CADM1: variants seen among roughly 807,000 people sequenced by gnomAD.
CADM1 encodes cell adhesion molecule 1.
CADM1 carries 15 observed loss-of-function variants against 53.1 expected under a neutral mutation model. That is an observed-to-expected ratio of 0.28 (90% CI 0.19 to 0.44). CADM1 has a LOEUF of 0.44. Ranked by LOEUF, CADM1 falls within the 20% of genes least tolerant of loss-of-function variation. CADM1 has a pLI of 1.00. For missense variants in CADM1, 434 were observed against 611.3 expected (o/e 0.71, Z 3.06); for synonymous variants, 281 against 243.0 (o/e 1.16, Z -1.45).
chr11:115,347,343 G>C (rs1208490974), intron 1 of CADM1, among the ~76,000 whole-genome samples: 1 of 152,126 alleles, frequency 6.6e-6, no homozygotes, highest in Non-Finnish European at 1.5e-5. Flanking sequence ...ATAAAGCTGA[G>C]AGCAGGTGTG....
intron 1 of CADM1, among the ~76,000 whole-genome samples, chr11:115,462,155 G>A (rs533699869): frequency 6.6e-6 from 1 of 152,254 alleles, no homozygotes; most frequent in South Asian, 2.1e-4. Flanking sequence ...AATACTGTGG[G>A]GCGGGCAAAG....
intron 1 of CADM1, among the ~76,000 whole-genome samples, chr11:115,269,750 C>T (rs764852079): frequency 2.6e-5 from 4 of 152,184 alleles, no homozygotes; most frequent in Non-Finnish European, 5.9e-5. Flanking sequence ...TGACTTAAAG[C>T]ATCTGTCACT....
chr11:115,203,692 TA>T (rs1940545417), intron 8 of CADM1, among the ~76,000 whole-genome samples: 1 of 152,158 alleles, frequency 6.6e-6, no homozygotes. Context: ...ATAGAGGCAT[TA>T]AAAACTTTTC....
At chr11:115,467,047 T>G (rs1272087264) in intron 1 of CADM1, among the ~76,000 whole-genome samples, 1 of 152,170 alleles carries the variant, frequency 6.6e-6, no homozygotes, top group Non-Finnish European at 1.5e-5. Flanking sequence ...CTTTCAGTAT[T>G]TTTCATTTTA....
At chr11:115,381,928 C>A (rs1449104551) in intron 1 of CADM1, among the ~76,000 whole-genome samples, 1 of 152,146 alleles carries the variant, frequency 6.6e-6, no homozygotes. Context: ...TCACTGCAAC[C>A]TCTGCCTCCC....
intron 1 of CADM1, among the ~76,000 whole-genome samples, chr11:115,244,628 T>TAAA (rs1942351119): frequency 6.6e-6 from 1 of 152,356 alleles, no homozygotes; most frequent in Admixed American, 6.5e-5. Flanking sequence ...AAGCTGATGC[T>TAAA]TGAACCCGGT....
chr11:115,177,946 G>C (rs886351056), intron 11 of CADM1, among the ~76,000 whole-genome samples: 4 of 152,100 alleles, frequency 2.6e-5, no homozygotes, highest in Non-Finnish European at 5.9e-5. Flanking sequence ...ATAACTGAGA[G>C]AGACAGGGGC....
chr11:115,405,335 G>C (rs1045813120), intron 1 of CADM1, among the ~76,000 whole-genome samples: 2 of 152,168 alleles, frequency 1.3e-5, no homozygotes, highest in African/African-American at 4.8e-5. Context: ...ACCAGTACTG[G>C]AATTGAAGAA....
intron 1 of CADM1, among the ~76,000 whole-genome samples, chr11:115,340,540 G>C (rs1236786879): frequency 7.3e-6 from 1 of 137,292 alleles, no homozygotes; most frequent in Admixed American, 7.5e-5. Context: ...AAAAAAGCCA[G>C]GTCATAATAT....
intron 8 of CADM1, among the ~76,000 whole-genome samples, chr11:115,209,096 C>T (rs931695631): frequency 6.6e-6 from 1 of 152,122 alleles, no homozygotes; most frequent in African/African-American, 2.4e-5. Context: ...CACTTGTCAG[C>T]GGGTACTCTC....
At chr11:115,226,732 G>A (rs1031421942) in intron 5 of CADM1, among the ~76,000 whole-genome samples, 1 of 152,202 alleles carries the variant, frequency 6.6e-6, no homozygotes, top group South Asian at 2.1e-4. Context: ...TCAGACTTCA[G>A]GGCCCAGTGA....
At chr11:115,460,215 T>A (rs1023417912) in intron 1 of CADM1, among the ~76,000 whole-genome samples, 1 of 152,076 alleles carries the variant, frequency 6.6e-6, no homozygotes, top group East Asian at 1.9e-4. Context: ...TACACAAGGG[T>A]TGAAGGACAC....
At chr11:115,238,823 T>G (rs1406198112) in intron 2 of CADM1, among the ~76,000 whole-genome samples, 171 bp from the exon 3 acceptor site, 1 of 152,082 alleles carries the variant, frequency 6.6e-6, no homozygotes, top group East Asian at 1.9e-4. Context: ...CTTACACATA[T>G]CAGTGTATGT....
At chr11:115,291,897 A>G (rs1316508717) in intron 1 of CADM1, among the ~76,000 whole-genome samples, 1 of 152,254 alleles carries the variant, frequency 6.6e-6, no homozygotes, top group African/African-American at 2.4e-5. Context: ...GGACTGACAA[A>G]TTCAGCTGGG....
chr11:115,373,498 T>C (rs911434691), intron 1 of CADM1, among the ~76,000 whole-genome samples: 3 of 147,326 alleles, frequency 2.0e-5, no homozygotes, highest in South Asian at 4.2e-4. Context: ...GGCGTGAGAA[T>C]TGCATGAACC....
At chr11:115,441,506 A>C (rs374001622) in intron 1 of CADM1, among the ~76,000 whole-genome samples, 1 of 152,212 alleles carries the variant, frequency 6.6e-6, no homozygotes, top group Non-Finnish European at 1.5e-5. Flanking sequence ...CACTGCTTGG[A>C]AACAGTAGGT....
At chr11:115,404,346 A>AAAAAAAAT (rs1947251974) in intron 1 of CADM1, among the ~76,000 whole-genome samples, 4 of 33,792 alleles carry the variant, frequency 1.2e-4, no homozygotes, top group African/African-American at 2.7e-4. Context: ...AAAAAAAAAA[A>AAAAAAAAT]ATATATATAT....
chr11:115,250,925 A>G (rs1942583925), intron 1 of CADM1, among the ~76,000 whole-genome samples: 1 of 152,230 alleles, frequency 6.6e-6, no homozygotes, highest in African/African-American at 2.4e-5. Context: ...GGTAGCTGAA[A>G]GGACAATAAG....
At chr11:115,502,095 G>A (rs977391919) in intron 1 of CADM1, among the ~76,000 whole-genome samples, 6 of 152,114 alleles carry the variant, frequency 3.9e-5, no homozygotes, top group Non-Finnish European at 8.8e-5. Flanking sequence ...GACATGCACG[G>A]TTGAGTTCCA....
Sources: allele counts gnomAD v4.1 joint callset (sites outside exome capture counted in the v4.1 genomes callset), GRCh38; gene constraint gnomAD v4.1.1; transcripts MANE v1.5; gene names NCBI Gene and HGNC (gene_info 2026-07-23, HGNC 2026-07-21).